Variants in ITFG1 observed in about 807,000 individuals in gnomAD.
The protein encoded by ITFG1 is T-cell immunomodulatory protein.
ITFG1 carries 34 observed loss-of-function variants against 81.8 expected under a neutral mutation model. The ratio of observed to expected loss-of-function variants is 0.42; its 90% CI spans 0.32 to 0.55. ITFG1 has a LOEUF of 0.55. ITFG1 is among the 20% of genes least tolerant of loss of function. ITFG1 has a pLI of 0.17. For missense variants in ITFG1, 672 were observed against 755.4 expected (o/e 0.89, Z 1.29); for synonymous variants, 285 against 270.6 (o/e 1.05, Z -0.52).
intron 6 of ITFG1, among the ~76,000 whole-genome samples, chr16:47,381,427 T>C (rs1269053239): frequency 1.3e-5 from 2 of 152,212 alleles, no homozygotes; most frequent in African/African-American, 4.8e-5. Context: ...TCTCCTTGGA[T>C]AGTAATAGTT....
intron 5 of ITFG1, among the ~76,000 whole-genome samples, chr16:47,441,359 T>G (rs1462564943): frequency 6.6e-6 from 1 of 152,176 alleles, no homozygotes; most frequent in African/African-American, 2.4e-5. Context: ...TACCAAAGCC[T>G]GGCAGAGACA....
At chr16:47,277,425 C>G (rs1022750667) in intron 10 of ITFG1, among the ~76,000 whole-genome samples, 2 of 152,188 alleles carry the variant, frequency 1.3e-5, no homozygotes, top group Non-Finnish European at 2.9e-5. Flanking sequence ...CAAGGGTTTG[C>G]ATCCCACGAA....
chr16:47,396,872 GGAACGAACTGAGC>G (rs1489702494), intron 6 of ITFG1, among the ~76,000 whole-genome samples: 1 of 152,116 alleles, frequency 6.6e-6, no homozygotes, highest in Non-Finnish European at 1.5e-5. Flanking sequence ...CAAGGTGCAG[GGAACGAACTGAGC>G]TGGCTGAGGT....
intron 8 of ITFG1, among the ~76,000 whole-genome samples, chr16:47,314,237 C>T (rs983717653): frequency 1.3e-5 from 2 of 152,064 alleles, no homozygotes; most frequent in Non-Finnish European, 2.9e-5. Flanking sequence ...CCATTTCAGC[C>T]TGTAATGTTA....
intron 6 of ITFG1, among the ~76,000 whole-genome samples, chr16:47,384,707 G>A (rs1168039544): frequency 1.3e-5 from 2 of 152,004 alleles, no homozygotes; most frequent in Non-Finnish European, 1.5e-5. Flanking sequence ...TTTTTTCCAC[G>A]TCATATCCAC....
At chr16:47,357,128 G>T (rs1302271198) in intron 8 of ITFG1, among the ~76,000 whole-genome samples, 1 of 151,850 alleles carries the variant, frequency 6.6e-6, no homozygotes, top group Non-Finnish European at 1.5e-5. Flanking sequence ...TATTAACTAG[G>T]GTAGGCTTAG....
At chr16:47,235,724 TCA>T (rs1228927537) in intron 13 of ITFG1, among the ~76,000 whole-genome samples, 1 of 152,236 alleles carries the variant, frequency 6.6e-6, no homozygotes, top group African/African-American at 2.4e-5. Flanking sequence ...ATTTTCTCTC[TCA>T]GTTTCACACT....
At chr16:47,378,202 CA>C (rs1968350982) in intron 6 of ITFG1, among the ~76,000 whole-genome samples, 1 of 152,180 alleles carries the variant, frequency 6.6e-6, no homozygotes, top group African/African-American at 2.4e-5. Flanking sequence ...AAGGGGCAAG[CA>C]TGCTACTACA....
At chr16:47,441,206 A>G (rs953373525) in intron 5 of ITFG1, among the ~76,000 whole-genome samples, 7 of 152,176 alleles carry the variant, frequency 4.6e-5, no homozygotes, top group African/African-American at 9.7e-5. Context: ...CAACCAAAAA[A>G]AGTCCAGGAC....
At chr16:47,349,091 A>C (rs1437445123) in intron 8 of ITFG1, among the ~76,000 whole-genome samples, 1 of 152,234 alleles carries the variant, frequency 6.6e-6, no homozygotes, top group Non-Finnish European at 1.5e-5. Context: ...AACCGGTACC[A>C]GCCACTGCAA....
At chr16:47,345,399 C>T (rs1239159308) in intron 8 of ITFG1, among the ~76,000 whole-genome samples, 2 of 151,788 alleles carry the variant, frequency 1.3e-5, no homozygotes, top group Admixed American at 1.3e-4. Flanking sequence ...CTCCTGGGTT[C>T]AAGCAACTCT....
At chr16:47,328,625 A>G (rs1193537651) in intron 8 of ITFG1, among the ~76,000 whole-genome samples, 1 of 152,118 alleles carries the variant, frequency 6.6e-6, no homozygotes, top group Non-Finnish European at 1.5e-5. Context: ...AATTAGCTTA[A>G]ACATTCTTAT....
chr16:47,178,763 A>G (rs1965061537), intron 14 of ITFG1, among the ~76,000 whole-genome samples: 1 of 152,230 alleles, frequency 6.6e-6, no homozygotes, highest in African/African-American at 2.4e-5. Context: ...TCACAGCAAA[A>G]GAAACTACCA....
chr16:47,298,940 G>A (rs1358250373), intron 10 of ITFG1, among the ~76,000 whole-genome samples: 5 of 152,106 alleles, frequency 3.3e-5, no homozygotes, highest in Admixed American at 3.3e-4. Flanking sequence ...TCTAGGATGG[G>A]GTGGTAAAGC....
intron 5 of ITFG1, among the ~76,000 whole-genome samples, chr16:47,440,727 G>A (rs1047376360): frequency 3.9e-5 from 6 of 152,036 alleles, no homozygotes; most frequent in Non-Finnish European, 8.8e-5. Flanking sequence ...GCCCACAAGA[G>A]AAAGAAGGAA....
At chr16:47,178,186 T>G (rs576004294) in intron 14 of ITFG1, among the ~76,000 whole-genome samples, 1 of 152,246 alleles carries the variant, frequency 6.6e-6, no homozygotes, top group South Asian at 2.1e-4. Flanking sequence ...GTTACCCACA[T>G]AGAAAAAAGA....
At chr16:47,183,463 TCCCTGAC>T (rs981043695) in intron 14 of ITFG1, among the ~76,000 whole-genome samples, 34 of 152,262 alleles carry the variant, frequency 2.2e-4, no homozygotes, top group African/African-American at 7.5e-4. Context: ...CTCAAGTGGG[TCCCTGAC>T]CCCTGACCCC....
At chr16:47,344,779 G>A (rs1479851086) in intron 8 of ITFG1, among the ~76,000 whole-genome samples, 1 of 152,086 alleles carries the variant, frequency 6.6e-6, no homozygotes, top group African/African-American at 2.4e-5. Context: ...CATTTCAATT[G>A]TTTTCAGTTT....
intron 6 of ITFG1, among the ~76,000 whole-genome samples, chr16:47,390,205 A>C (rs971241080): frequency 6.6e-6 from 1 of 152,222 alleles, no homozygotes; most frequent in Non-Finnish European, 1.5e-5. Context: ...GGTGGTAATC[A>C]CTGAGGATCA....
Sources: gnomAD v4.1 joint callset for allele counts (sites outside exome capture counted in the v4.1 genomes callset) on GRCh38, gnomAD v4.1.1 for gene constraint, MANE v1.5 for transcripts, NCBI Gene and HGNC (gene_info 2026-07-23, HGNC 2026-07-21) for gene names.